ELAPOR1: variants seen among roughly 807,000 people sequenced by gnomAD.
ELAPOR1 encodes the protein endosome/lysosome-associated apoptosis and autophagy regulator 1.
In ELAPOR1, 77 loss-of-function variants were observed where a neutral mutation model predicts 119.7. The ratio of observed to expected loss-of-function variants is 0.64; its 90% CI spans 0.54 to 0.78. ELAPOR1 has a LOEUF of 0.78. Ranked by LOEUF, ELAPOR1 falls within the 30% of genes least tolerant of loss-of-function variation. The probability of loss-of-function intolerance (pLI) is 0.00; values close to 1 mark genes in which losing one functional copy is unlikely to be tolerated. For synonymous variants in ELAPOR1, 481 were observed against 487.2 expected (o/e 0.99, Z 0.17); for missense variants, 1,115 against 1,270.4 (o/e 0.88, Z 1.86).
chr1:109,124,694 T>C (rs764925650), intron 1 of ELAPOR1, among the ~76,000 whole-genome samples: 1 of 152,204 alleles, frequency 6.6e-6, no homozygotes, highest in Non-Finnish European at 1.5e-5. Flanking sequence ...TTGCACACCG[T>C]CACCTTTTCT....
At chr1:109,125,804 C>G (rs1166693036) in intron 1 of ELAPOR1, among the ~76,000 whole-genome samples, 1 of 152,208 alleles carries the variant, frequency 6.6e-6, no homozygotes, top group Non-Finnish European at 1.5e-5. Flanking sequence ...ACCACTACAG[C>G]AAGATGACAC....
chr1:109,177,498 T>A (rs1652415184), intron 7 of ELAPOR1, among the ~76,000 whole-genome samples: 1 of 103,734 alleles, frequency 9.6e-6, no homozygotes. Context: ...CCAGATGGGA[T>A]GGCGGCCGGG....
At chr1:109,189,822 A>C (rs1229317879) in intron 11 of ELAPOR1, 140 bp downstream of exon 11, 1 of 683,500 alleles carries the variant, frequency 1.5e-6, no homozygotes, top group Non-Finnish European at 2.6e-6. Context: ...CAGAGGGTAC[A>C]GTTTGACCGA....
intron 7 of ELAPOR1, among the ~76,000 whole-genome samples, chr1:109,176,033 T>C (rs1217707212): frequency 6.6e-6 from 1 of 152,124 alleles, no homozygotes; most frequent in African/African-American, 2.4e-5. Flanking sequence ...TTCATTGAAG[T>C]CAAATCAGGC....
At chr1:109,193,381 G>C (rs961621909) in intron 14 of ELAPOR1, among the ~76,000 whole-genome samples, 1 of 152,148 alleles carries the variant, frequency 6.6e-6, no homozygotes, top group African/African-American at 2.4e-5. Flanking sequence ...GCTGGGTGCA[G>C]TGGCTCACAT....
intron 1 of ELAPOR1, among the ~76,000 whole-genome samples, chr1:109,117,282 G>A (rs1648076972): frequency 6.6e-6 from 1 of 152,206 alleles, no homozygotes. Context: ...TAAACATCCT[G>A]TATGATATTC....
At chr1:109,153,063 G>T (rs567801348) in intron 1 of ELAPOR1, among the ~76,000 whole-genome samples, 1 of 151,926 alleles carries the variant, frequency 6.6e-6, no homozygotes, top group South Asian at 2.1e-4. Flanking sequence ...GATAGATAAA[G>T]AACGGCAGAA....
At chr1:109,115,849 G>A (rs536354930) in intron 1 of ELAPOR1, among the ~76,000 whole-genome samples, 78 of 152,238 alleles carry the variant, frequency 5.1e-4, no homozygotes, top group Non-Finnish European at 9.7e-4. Flanking sequence ...CCACCTAGCC[G>A]CATTATGACC....
At chr1:109,115,540 A>G (rs1473994503) in intron 1 of ELAPOR1, among the ~76,000 whole-genome samples, 1 of 152,156 alleles carries the variant, frequency 6.6e-6, no homozygotes, top group Admixed American at 6.5e-5. Flanking sequence ...CGGCCTCCCA[A>G]AGTGCTGGGA....
intron 1 of ELAPOR1, among the ~76,000 whole-genome samples, chr1:109,120,450 GC>G (rs919331088): frequency 6.2e-4 from 93 of 149,726 alleles, no homozygotes; most frequent in Middle Eastern, 3.4e-3. Flanking sequence ...CTGTATTTTT[GC>G]CCCCTCCACT....
chr1:109,193,263 T>C (rs1340667957), intron 14 of ELAPOR1, among the ~76,000 whole-genome samples: 2 of 152,174 alleles, frequency 1.3e-5, no homozygotes. Flanking sequence ...TTTGGAAAGA[T>C]AGAAACCCAA....
At chr1:109,149,621 T>A (rs910758500) in intron 1 of ELAPOR1, among the ~76,000 whole-genome samples, 1 of 152,172 alleles carries the variant, frequency 6.6e-6, no homozygotes, top group Non-Finnish European at 1.5e-5. Flanking sequence ...TGAAAGCTAC[T>A]ATGTCAGGTG....
intron 7 of ELAPOR1, among the ~76,000 whole-genome samples, chr1:109,176,318 G>A (rs1652282854): frequency 6.6e-6 from 1 of 152,152 alleles, no homozygotes; most frequent in African/African-American, 2.4e-5. Context: ...AAACAAACAA[G>A]AAGGGAGAGA....
intron 8 of ELAPOR1, chr1:109,186,531 A>G: frequency 1.0e-6 from 1 of 985,278 alleles, no homozygotes; most frequent in Non-Finnish European, 1.2e-6. Context: ...TCTTACCAAC[A>G]CCACCTCCCC....
chr1:109,142,687 T>A (rs569988073), intron 1 of ELAPOR1, among the ~76,000 whole-genome samples: 2 of 152,314 alleles, frequency 1.3e-5, no homozygotes, highest in African/African-American at 4.8e-5. Context: ...ATTGGAGCCT[T>A]CATACATTGC....
At chr1:109,174,413 TAAAAAAAAAAAAAAAAAA>T (rs59275691) in intron 7 of ELAPOR1, among the ~76,000 whole-genome samples, 80 of 42,048 alleles carry the variant, frequency 1.9e-3, no homozygotes, top group Non-Finnish European at 2.8e-3. Context: ...ACCCTGTCTC[TAAAAAAAAAAAAAAAAAA>T]AAAAAAAAAA....
chr1:109,124,842 C>T (rs1445000493), intron 1 of ELAPOR1, among the ~76,000 whole-genome samples: 4 of 152,180 alleles, frequency 2.6e-5, no homozygotes, highest in Admixed American at 1.3e-4. Context: ...CCCAAGTGAC[C>T]TCAGAGCATT....
chr1:109,186,171 G>A (rs1183439834), intron 8 of ELAPOR1, among the ~76,000 whole-genome samples: 1 of 152,096 alleles, frequency 6.6e-6, no homozygotes, highest in Non-Finnish European at 1.5e-5. Context: ...TGACATTTGA[G>A]CAGAGACCTG....
At chr1:109,174,015 ATTT>A (rs57356277) in intron 7 of ELAPOR1, among the ~76,000 whole-genome samples, 178 bp downstream of exon 7, 1 of 137,828 alleles carries the variant, frequency 7.3e-6, no homozygotes. Context: ...TCACTTTGTC[ATTT>A]TTTTTTTTTT....
Sources: gnomAD v4.1 joint callset for allele counts (sites outside exome capture counted in the v4.1 genomes callset) on GRCh38, gnomAD v4.1.1 for gene constraint, MANE v1.5 for transcripts, NCBI Gene and HGNC (gene_info 2026-07-23, HGNC 2026-07-21) for gene names.